Variants in ZFHX2 observed in about 807,000 individuals in gnomAD.
The protein encoded by ZFHX2 is zinc finger homeobox protein 2.
In ZFHX2, 75 loss-of-function variants were observed where a neutral mutation model predicts 164.8. That is an observed-to-expected ratio of 0.46 (90% CI 0.38 to 0.55). The LOEUF is 0.55. Among genes scored for constraint, ZFHX2 ranks in the 20% least tolerant of loss-of-function variants. The probability of loss-of-function intolerance (pLI) is 0.00; values close to 1 mark genes in which losing one functional copy is unlikely to be tolerated. For missense variants in ZFHX2, 2,933 were observed against 3,308.0 expected (o/e 0.89, Z 2.78); for synonymous variants, 1,217 against 1,351.4 (o/e 0.90, Z 2.18).
chr14:23,533,522 G>A lies in ZFHX2; in HGVS notation c.1804C>T (p.Gln602Ter). ...KHMQNVLMLHQGLPLGLPPGL... is the reference protein window; with the variant it reads ...KHMQNVLMLH ...GGTGGCAGGCCCAGCGGCAGCCCCTGGTGCAGCATTAGGACATTCTGCATG... is the reference window on the plus strand; with the variant it reads ...GGTGGCAGGCCCAGCGGCAGCCCCTAGTGCAGCATTAGGACATTCTGCATG... Residue 602 changes from glutamine (Q) to a stop codon, truncating the protein, a stop_gained, in exon 2 of 10, where the codon CAG becomes TAG. Coordinates refer to ENST00000419474, the MANE Select transcript of ZFHX2 (RefSeq NM_033400.3). LOFTEE classifies it high-confidence loss of function. This position sits in a 1 kb window ranked among gnomAD's most constrained non-coding sequence, Gnocchi z 4.8. 6.5e-7 allele frequency: 1 copy of A among 1,536,116 alleles called. No homozygotes were observed. Among genetic ancestry groups the A allele is most frequent in the Non-Finnish European group, 8.7e-7 (1 of 1,146,896 alleles).
chr14:23,533,347 G>C lies in ZFHX2; in HGVS notation c.1979C>G (p.Ala660Gly). ...PGLRPDKPLE[A>G]QLLLNGFHHV... ...GTGGAAACCATTGAGAAGTAGCTGG[G>C]CTTCCAGGGGCTTGTCTGGCCTCAG... The change falls in exon 2 of 10, where the codon GCC becomes GGC. Residue 660 changes from alanine to glycine, a missense_variant. Physicochemically the swap from Ala to Gly is moderately conservative, Grantham distance 60. Coordinates refer to ENST00000419474, the MANE Select transcript of ZFHX2 (RefSeq NM_033400.3). This position sits in a 1 kb window ranked among gnomAD's most constrained non-coding sequence, Gnocchi z 4.8. 6.9e-7 allele frequency: 1 copy of C among 1,440,536 alleles called. No individual in the cohort carries two copies. Among genetic ancestry groups the C allele is most frequent in the East Asian group, 2.5e-5 (1 of 40,062 alleles). 89.2% of individuals were successfully genotyped at this position (1,440,536 alleles called of 1,614,324 possible). A position where few individuals can be genotyped will look rare whatever the true frequency, so the allele number is the denominator to read the frequency against.
In ZFHX2 at chr14:23,525,409, G is replaced by A. The variant is rs1878574766; in HGVS notation, c.4533C>T (p.Ala1511=). Residue 1511 remains alanine, a synonymous_variant, in exon 9 of 10, where the codon GCC becomes GCT. Transcript: ENST00000419474. The surrounding 1 kb of genome is among the most constrained non-coding windows in gnomAD (Gnocchi z 5.9). The part of the protein sequence containing the change: ...HVHRRFLPFE[A]LSRYAAQFRK... Reference sequence around the variant, plus strand: ...GAAACTGAGCAGCATAACGGCTCAGGGCTTCAAAGGGCAGAAAGCGGCGGT... The same window carrying A: ...GAAACTGAGCAGCATAACGGCTCAGAGCTTCAAAGGGCAGAAAGCGGCGGT... 3.9e-6 allele frequency: 6 copies of A among 1,536,104 alleles called. No homozygotes were observed. In the East Asian group the frequency reaches 9.8e-5, roughly 25 times the overall value.
In ZFHX2 at chr14:23,525,264, C is replaced by T. The variant is rs1878556279; in HGVS notation, c.4678G>A (p.Gly1560Arg). 1 of 1,536,132 alleles carries T rather than the reference C, an allele frequency of 6.5e-7. No homozygotes were observed. Among genetic ancestry groups the T allele is most frequent in the South Asian group, 1.2e-5 (1 of 84,064 alleles). Residue 1560 changes from glycine (G) to arginine (R), a missense_variant, in exon 9 of 10, where the codon GGG (glycine) becomes AGG (arginine). By Grantham distance (125) the Gly-to-Arg change is moderately radical. Transcript: ENST00000419474. The surrounding 1 kb of genome is among the most constrained non-coding windows in gnomAD (Gnocchi z 5.9). Reference protein sequence around the residue: ...PPFLVPEPEAGGTRAPEERSR... With the variant: ...PPFLVPEPEARGTRAPEERSR... ...CGCTCTTCAGGGGCACGGGTCCCCC[C>T]TGCCTCAGGCTCTGGGACCAGGAAG...
intron 1 of ZFHX2, among the ~76,000 whole-genome samples, chr14:23,548,946 TTCC>T (rs1219300161): frequency 3.3e-5 from 5 of 152,176 alleles, no homozygotes; most frequent in Non-Finnish European, 7.3e-5. Flanking sequence ...CTCTCCTCTT[TTCC>T]TCCTACCAAG....
Position 23,522,658 on chromosome 14 carries a change from C to T in ZFHX2, c.7023G>A (p.Leu2341=), listed in dbSNP as rs749814803. ...ATGGAAAGGGCAGGAACTGGCCCCCCAACAGGGCTGGGACAGTGGTCTTCA... is the reference window on the plus strand; with the variant it reads ...ATGGAAAGGGCAGGAACTGGCCCCCTAACAGGGCTGGGACAGTGGTCTTCA... ...KALKTTVPAL[L]GGQFLPFPLP... Residue 2341 remains leucine (L), a synonymous_variant, in exon 10 of 10, where the codon TTG becomes TTA. Coordinates refer to ENST00000419474, the MANE Select transcript of ZFHX2 (RefSeq NM_033400.3). 8 of 1,536,382 alleles carry T rather than the reference C, an allele frequency of 5.2e-6. No homozygotes were observed. In the African/African-American group the frequency reaches 6.8e-5, roughly 13 times the overall value.
At chr14:23,527,115 T>C (rs1878832009) in intron 7 of ZFHX2, 142 bp from the exon 8 acceptor site, 2 of 1,286,450 alleles carry the variant, frequency 1.6e-6, no homozygotes, top group South Asian at 3.8e-5. Flanking sequence ...ACCTCCCACC[T>C]AATTGCTGCT....
chr14:23,525,291 G>T lies in ZFHX2; in HGVS notation c.4651C>A (p.Pro1551Thr). The change falls in exon 9 of 10, where the codon CCC becomes ACC. Residue 1551 changes from proline (P) to threonine (T), a missense_variant. Coordinates refer to ENST00000419474, the MANE Select transcript of ZFHX2 (RefSeq NM_033400.3). This position sits in a 1 kb window ranked among gnomAD's most constrained non-coding sequence, Gnocchi z 5.9. ...LDSPVPHLGP[P>T]FLVPEPEAGG... ...GCCTCAGGCTCTGGGACCAGGAAGGGTGGGCCCAGATGGGGAACAGGTGAA... is the reference window on the plus strand; with the variant it reads ...GCCTCAGGCTCTGGGACCAGGAAGGTTGGGCCCAGATGGGGAACAGGTGAA... 1 of 1,535,582 alleles carries T rather than the reference G, an allele frequency of 6.5e-7. No individual in the cohort carries two copies. The highest frequency in any genetic ancestry group is 8.7e-7 in the Non-Finnish European group (1 of 1,146,420).
upstream of ZFHX2, among the ~76,000 whole-genome samples, chr14:23,553,946 C>T (rs2138964299): frequency 6.7e-6 from 1 of 150,048 alleles, no homozygotes; most frequent in African/African-American, 2.5e-5. Context: ...TGCCTGTAGT[C>T]CCAACTACTC....
intron 1 of ZFHX2, among the ~76,000 whole-genome samples, chr14:23,550,846 C>A (rs1168384608): frequency 6.6e-6 from 1 of 152,072 alleles, no homozygotes; most frequent in Non-Finnish European, 1.5e-5. Flanking sequence ...CCCCAGCGCG[C>A]TAGCCCATCC....
intron 6 of ZFHX2, chr14:23,528,898 G>C: frequency 1.1e-6 from 1 of 924,532 alleles, no homozygotes; most frequent in Non-Finnish European, 1.3e-6. Flanking sequence ...TGTGTGTCAG[G>C]GAGGGGATGA....
At chr14:23,540,762 G>A (rs1880710905) in intron 1 of ZFHX2, among the ~76,000 whole-genome samples, 1 of 152,234 alleles carries the variant, frequency 6.6e-6, no homozygotes, top group South Asian at 2.1e-4. Flanking sequence ...GTGAAGACCA[G>A]ATAGGTAACG....
intron 1 of ZFHX2, among the ~76,000 whole-genome samples, chr14:23,541,115 A>G (rs1025378170): frequency 6.6e-5 from 10 of 151,834 alleles, no homozygotes; most frequent in African/African-American, 2.4e-4. Context: ...CATGTTGGCC[A>G]GGCTGGTCTC....
At position 23,522,099 on chromosome 14, in the gene ZFHX2, C is replaced by T; in HGVS notation, c.7582G>A (p.Gly2528Arg). The T allele has an allele frequency of 2.6e-6, 4 of 1,535,454 alleles. No individual in the cohort carries two copies. Among genetic ancestry groups the T allele is most frequent in the Non-Finnish European group, 3.5e-6 (4 of 1,146,424 alleles). ...TTGGTGATGGAGATGGGTGGGCCCC[C>T]TTGAGGTGGGGCTGCCTTGCGCCTG... ...AHRRKAAPPQGGPPISITNAA... is the reference protein window; with the variant it reads ...AHRRKAAPPQRGPPISITNAA... Residue 2528 changes from glycine (G) to arginine (R), a missense_variant, in exon 10 of 10, where the codon GGG (glycine) becomes AGG (arginine). Physicochemically the swap from Gly to Arg is moderately radical, Grantham distance 125. Coordinates refer to ENST00000419474, the MANE Select transcript of ZFHX2 (RefSeq NM_033400.3).
intron 3 of ZFHX2, 36 bp downstream of exon 3, chr14:23,532,531 C>T (rs1879697451): frequency 7.0e-7 from 1 of 1,429,412 alleles, no homozygotes; most frequent in Non-Finnish European, 9.1e-7. Context: ...CCATTCCCTT[C>T]TCCTCTTCCG....
In ZFHX2 at chr14:23,551,600, G is replaced by T; in HGVS notation, c.-307C>A. The T allele has an allele frequency of 6.5e-6, 1 of 153,140 alleles. No individual in the cohort carries two copies. The highest frequency in any genetic ancestry group is 1.9e-4 in the South Asian group (1 of 5,352). 9.5% of individuals were successfully genotyped at this position (153,140 alleles called of 1,614,324 possible). A position where few individuals can be genotyped will look rare whatever the true frequency, so the allele number is the denominator to read the frequency against. On this transcript the variant is annotated 5_prime_UTR_variant, in exon 1 of 10. Coordinates refer to ENST00000419474, the MANE Select transcript of ZFHX2 (RefSeq NM_033400.3). This position sits in a 1 kb window ranked among gnomAD's most constrained non-coding sequence, Gnocchi z 5.3. ...TTGGCTGCGGCTGAAGTGTTTCCCC[G>T]GCTTCGTGAGGGGGTTTCCATTGAT...
chr14:23,550,969 C>T (rs1000476809), intron 1 of ZFHX2, among the ~76,000 whole-genome samples: 2 of 152,058 alleles, frequency 1.3e-5, no homozygotes, highest in African/African-American at 4.8e-5. Context: ...CCTCCCCTTC[C>T]CCCCGGGATC....
rs1316111787 is a variant in ZFHX2, at chr14:23,534,503, G to A, written c.823C>T (p.Pro275Ser). The change falls in exon 2 of 10, where the codon CCA becomes TCA. Residue 275 changes from proline to serine, a missense_variant. Physicochemically the swap from Pro to Ser is moderately conservative, Grantham distance 74 (BLOSUM62 -1). Coordinates refer to ENST00000419474, the MANE Select transcript of ZFHX2 (RefSeq NM_033400.3). This position sits in a 1 kb window ranked among gnomAD's most constrained non-coding sequence, Gnocchi z 4.5. The part of the protein sequence containing the change: ...PAQYQGLSGS[P>S]AVLQEGDEGC... ...TCATCTCCCTCCTGGAGTACAGCTG[G>A]GCTACCTGACAGGCCCTGATATTGG... 3 of 1,536,220 alleles carry A rather than the reference G, an allele frequency of 2.0e-6. No homozygotes were observed. Among genetic ancestry groups the A allele is most frequent in the Non-Finnish European group, 2.6e-6 (3 of 1,146,950 alleles).
rs773592394 is a variant in ZFHX2, at chr14:23,525,519, C to G, written c.4423G>C (p.Gly1475Arg). 1 of 1,535,436 alleles carries G rather than the reference C, an allele frequency of 6.5e-7. No individual in the cohort carries two copies. Among genetic ancestry groups the G allele is most frequent in the Admixed American group, 2.0e-5 (1 of 50,982 alleles). ...CCACAGGCCAGCTTGTCCCCACCCC[C>G]GAGGGCCTCAGGTGGGGGTGGGGTA... ...PPTPPPPEAL[G>R]GGDKLACGAC... The change falls in exon 9 of 10, where the codon GGG becomes CGG. Residue 1475 changes from glycine to arginine, a missense_variant. By Grantham distance (125) the Gly-to-Arg change is moderately radical (BLOSUM62 -2). Coordinates refer to ENST00000419474, the MANE Select transcript of ZFHX2 (RefSeq NM_033400.3). The surrounding 1 kb of genome is among the most constrained non-coding windows in gnomAD (Gnocchi z 5.9).
At position 23,533,067 on chromosome 14, in the gene ZFHX2, G is replaced by C. The variant is rs540160949; in HGVS notation, c.2059C>G (p.Pro687Ala). ...FPTSAPGSLS[P>A]DAHLPPSQLL... ...TGACTTGGAGGCAGGTGGGCATCAG[G>C]GGATAGGCTTCCAGGGGCTAGAGGA... is the stretch of plus-strand genomic sequence containing the variant. The change falls in exon 3 of 10, where the codon CCT (proline) becomes GCT (alanine). Residue 687 changes from proline to alanine, a missense_variant. Pro to Ala is a conservative substitution (Grantham distance 27). Transcript: ENST00000419474. This position sits in a 1 kb window ranked among gnomAD's most constrained non-coding sequence, Gnocchi z 4.8. The C allele has an allele frequency of 3.7e-4, 569 of 1,530,848 alleles. No individual in the cohort carries two copies. The highest frequency in any genetic ancestry group is 4.6e-4 in the Non-Finnish European group (521 of 1,143,500). The allele number at this position is 1,530,848 out of a possible 1,614,324, so 94.8% of individuals were successfully genotyped here.
Sources: gnomAD v4.1 joint callset for allele counts (sites outside exome capture counted in the v4.1 genomes callset) on GRCh38, gnomAD v4.1.1 for gene constraint, Gnocchi (gnomAD v3.1) non-coding constraint, MANE v1.5 for transcripts, NCBI Gene and HGNC (gene_info 2026-07-23, HGNC 2026-07-21) for gene names.